Variants in NR3C2 observed in about 807,000 individuals in gnomAD.
NR3C2 encodes mineralocorticoid receptor.
In NR3C2, 15 loss-of-function variants were observed where a neutral mutation model predicts 86.4. That is an observed-to-expected ratio of 0.17 (90% CI 0.12 to 0.27). The LOEUF (loss-of-function observed/expected upper bound fraction) is 0.27, where lower values mean the gene tolerates loss of function less well. Among genes scored for constraint, NR3C2 ranks in the 10% least tolerant of loss-of-function variants. The pLI is 1.00. For missense variants in NR3C2, 960 were observed against 1,195.6 expected (o/e 0.80, Z 2.91); for synonymous variants, 458 against 450.5 (o/e 1.02, Z -0.21).
chr4:148,096,693 G>GA (rs148756525), intron 8 of NR3C2, among the ~76,000 whole-genome samples: 3,800 of 151,824 alleles, frequency 0.025, 205 homozygotes, highest in East Asian at 0.24. Context: ...TTAAATGACT[G>GA]AAAAAAAATC....
intron 2 of NR3C2, among the ~76,000 whole-genome samples, chr4:148,334,690 A>G (rs894859063): frequency 2.0e-5 from 3 of 152,252 alleles, no homozygotes; most frequent in Non-Finnish European, 4.4e-5. Flanking sequence ...TAGCTATCAA[A>G]CAGATTATCT....
chr4:148,082,012 G>A (rs963665634), intron 8 of NR3C2, among the ~76,000 whole-genome samples: 4 of 152,216 alleles, frequency 2.6e-5, no homozygotes, highest in Non-Finnish European at 5.9e-5. Flanking sequence ...CAATGGAGCT[G>A]CCGCCAAGGG....
At position 148,430,818 on chromosome 4, in the gene NR3C2, T is replaced by C. The variant is rs756953666; in HGVS notation, c.1757+4286A>G. Reference sequence around the variant, plus strand: ...TCCCCGAATTCTGATGTTTGGTTTGTCATATAATGTGAGTTTCAAGGAAAC... The same window carrying C: ...TCCCCGAATTCTGATGTTTGGTTTGCCATATAATGTGAGTTTCAAGGAAAC... On this transcript the variant is annotated intron_variant, in intron 2 of 8. Transcript: ENST00000358102. Among the ~76,000 whole-genome samples the C allele has an allele frequency of 2.0e-5, 3 of 152,092 alleles. No individual in the cohort carries two copies. In the South Asian group the frequency reaches 6.2e-4, roughly 32 times the overall value.
Position 148,289,334 on chromosome 4 carries a change from A to G in NR3C2, c.1758-29217T>C, listed in dbSNP as rs1283711306. ...AGCCAACAACTCTGAAATCTTAGTG[A>G]TAAGTGTGCATTATATACTTCTCTT... On this transcript the variant is annotated intron_variant, in intron 2 of 8. Coordinates refer to ENST00000358102, the MANE Select transcript of NR3C2 (RefSeq NM_000901.5). 3.3e-5 allele frequency among the ~76,000 whole-genome samples: 5 copies of G among 149,814 alleles called. No homozygotes were observed. The South Asian group carries it at 6.3e-4, about 19-fold the overall frequency.
chr4:148,317,496 C>T (rs943442815), intron 2 of NR3C2, among the ~76,000 whole-genome samples: 1 of 152,000 alleles, frequency 6.6e-6, no homozygotes, highest in Non-Finnish European at 1.5e-5. Context: ...AACCCAGTTG[C>T]TTTGTACCTA....
At chr4:148,319,000 A>T (rs1238224189) in intron 2 of NR3C2, among the ~76,000 whole-genome samples, 21 of 150,376 alleles carry the variant, frequency 1.4e-4, no homozygotes, top group Admixed American at 2.6e-4. Flanking sequence ...TAGGGTTTTT[A>T]TGGTTTTAGG....
intron 2 of NR3C2, among the ~76,000 whole-genome samples, chr4:148,338,560 G>T: frequency 6.6e-6 from 1 of 152,118 alleles, no homozygotes; most frequent in East Asian, 1.9e-4. Flanking sequence ...GATTATAGGG[G>T]TTATGCAGCT....
intron 2 of NR3C2, among the ~76,000 whole-genome samples, chr4:148,416,941 A>C (rs1363939442): frequency 6.7e-6 from 1 of 149,612 alleles, no homozygotes; most frequent in Non-Finnish European, 1.5e-5. Context: ...ATGCCCAGCT[A>C]ATTTTTTGTA....
intron 2 of NR3C2, among the ~76,000 whole-genome samples, chr4:148,342,012 T>C (rs953639237): frequency 1.3e-5 from 2 of 152,096 alleles, no homozygotes; most frequent in South Asian, 2.1e-4. Flanking sequence ...ATTTACATAG[T>C]CTCTTCTGCT....
intron 2 of NR3C2, among the ~76,000 whole-genome samples, chr4:148,411,337 A>G (rs558760223): frequency 3.3e-4 from 51 of 152,318 alleles, no homozygotes; most frequent in African/African-American, 1.2e-3. Context: ...CATATACTTA[A>G]TATTTAGATT....
chr4:148,261,305 G>T (rs1740097644), intron 2 of NR3C2, among the ~76,000 whole-genome samples: 1 of 149,780 alleles, frequency 6.7e-6, no homozygotes, highest in Non-Finnish European at 1.5e-5. Flanking sequence ...GTGCTATGGT[G>T]CGCTATGGTA....
rs376880195 is a variant in NR3C2 at position 148,158,739 on chromosome 4, G to A, written c.2015-3838C>T. On this transcript the variant is annotated intron_variant, in intron 4 of 8. Coordinates refer to ENST00000358102, the MANE Select transcript of NR3C2 (RefSeq NM_000901.5). The stretch of plus-strand genomic sequence containing the variant: ...CAATGCTGTGCTTATTCTCACAGCT[G>A]ATTTAAGGTCAATGATAGGAAATGT... Among the ~76,000 whole-genome samples the A allele has an allele frequency of 9.9e-5, 15 of 152,254 alleles. No homozygotes were observed. In the South Asian group the frequency reaches 1.9e-3, roughly 19 times the overall value.
intron 2 of NR3C2, among the ~76,000 whole-genome samples, chr4:148,430,851 G>GA (rs1273025047): frequency 2.6e-5 from 4 of 151,988 alleles, no homozygotes; most frequent in Admixed American, 2.6e-4. Flanking sequence ...AACTTCAGGG[G>GA]CAATTGAAAA....
At chr4:148,439,382 C>A (rs967768512) in intron 1 of NR3C2, among the ~76,000 whole-genome samples, 8 of 152,136 alleles carry the variant, frequency 5.3e-5, no homozygotes, top group African/African-American at 1.9e-4. Context: ...CATCTCTCCC[C>A]CCACACACCC....
chr4:148,221,574 T>C (rs1477260572), intron 3 of NR3C2, among the ~76,000 whole-genome samples: 1 of 152,212 alleles, frequency 6.6e-6, no homozygotes, highest in Non-Finnish European at 1.5e-5. Context: ...AACATATCTT[T>C]ATTCTACTGG....
intron 8 of NR3C2, among the ~76,000 whole-genome samples, chr4:148,095,913 AT>A (rs1376090925): frequency 6.6e-6 from 1 of 152,202 alleles, no homozygotes; most frequent in Non-Finnish European, 1.5e-5. Flanking sequence ...CTGTGTTTTA[AT>A]TTGTTCTTCA....
chr4:148,115,410 A>G (rs1732229448), intron 7 of NR3C2, among the ~76,000 whole-genome samples: 1 of 152,222 alleles, frequency 6.6e-6, no homozygotes, highest in Admixed American at 6.5e-5. Context: ...AATCAACTAG[A>G]ATTTTATTTC....
chr4:148,103,817 A>T (rs1731653006), intron 8 of NR3C2, among the ~76,000 whole-genome samples: 2 of 151,666 alleles, frequency 1.3e-5, no homozygotes, highest in African/African-American at 4.8e-5. Context: ...TTCCAGTCAG[A>T]CTCCACGGCC....
intron 2 of NR3C2, among the ~76,000 whole-genome samples, chr4:148,318,662 T>C (rs1239790444): frequency 3.3e-5 from 5 of 152,228 alleles, no homozygotes; most frequent in Admixed American, 2.0e-4. Context: ...TTTTTGGCTG[T>C]ATAAATGTCT....
Sources: gnomAD v4.1 joint callset for allele counts (sites outside exome capture counted in the v4.1 genomes callset) on GRCh38, gnomAD v4.1.1 for gene constraint, MANE v1.5 for transcripts, NCBI Gene and HGNC (gene_info 2026-07-23, HGNC 2026-07-21) for gene names.